Variants in KCNK1 observed in about 807,000 individuals in gnomAD.
KCNK1 encodes the protein potassium two pore domain channel subfamily K member 1, also known as potassium channel subfamily K member 1.
KCNK1 carries 10 observed loss-of-function variants against 22.2 expected under a neutral mutation model. The ratio of observed to expected loss-of-function variants is 0.45; its 90% confidence interval spans 0.28 to 0.76. The LOEUF (loss-of-function observed/expected upper bound fraction) is 0.76, where lower values mean the gene tolerates loss of function less well. Among genes scored for constraint, KCNK1 ranks in the 30% least tolerant of loss-of-function variants. The pLI is 0.14. For missense variants in KCNK1, 378 were observed against 421.0 expected, an observed-to-expected ratio of 0.90 and a Z score of 0.89; for synonymous variants, 200 against 186.4, an observed-to-expected ratio of 1.07 and a Z score of -0.60.
At chr1:233,667,729 C>CAAAAAAAAAAAAAAAA in intron 2 of KCNK1, among the ~76,000 whole-genome samples, 1 of 86,094 alleles carries the variant, frequency 1.2e-5, no homozygotes, top group Non-Finnish European at 2.1e-5. Flanking sequence ...GACTCCGTCT[C>CAAAAAAAAAAAAAAAA]AAAAAAAAAA....
rs1376395185 is a variant in KCNK1 at position 233,614,213 on chromosome 1, G to A, written c.42G>A (p.Val14=). The A allele has an allele frequency of 1.2e-6, 2 of 1,610,290 alleles. No individual in the cohort carries two copies. Among genetic ancestry groups the A allele is most frequent in the African/African-American group, 2.7e-5 (2 of 74,890 alleles). The change falls in exon 1 of 3, where the codon GTG becomes GTA. Residue 14 remains valine (V), a synonymous_variant. Transcript: ENST00000366621. The part of the protein sequence containing the change: ...SLAGSSCVRL[V]ERHRSAWCFG... Reference sequence around the variant, plus strand: ...CCGGCAGCTCGTGCGTGCGCCTGGTGGAGCGGCACCGCTCGGCCTGGTGCT... The same window carrying A: ...CCGGCAGCTCGTGCGTGCGCCTGGTAGAGCGGCACCGCTCGGCCTGGTGCT...
At chr1:233,651,200 G>C (rs1203001948) in intron 1 of KCNK1, among the ~76,000 whole-genome samples, 4 of 152,142 alleles carry the variant, frequency 2.6e-5, no homozygotes, top group Admixed American at 6.5e-5. Flanking sequence ...GTGCCCAACT[G>C]TTCTTGAAGG....
Position 233,644,102 on chromosome 1 carries a change from A to C in KCNK1, c.356-22493A>C, listed in dbSNP as rs189129973. ...AGTTCTGGAGGCTGGGAAGTCCAAG[A>C]TCGAGGTACCAACTTCTGATGAAGG... On this transcript the variant is annotated intron_variant, in intron 1 of 2. Transcript: ENST00000366621. Among the ~76,000 whole-genome samples the C allele has an allele frequency of 2.6e-5, 4 of 152,346 alleles. No individual in the cohort carries two copies. The East Asian group carries it at 7.7e-4, about 29-fold the overall frequency.
chr1:233,661,853 C>T (rs1658397939), intron 1 of KCNK1: 1 of 152,160 alleles, frequency 6.6e-6, no homozygotes, highest in Admixed American at 6.5e-5. Flanking sequence ...AACTTATTTC[C>T]AGCAAAGTGC....
At chr1:233,624,142 C>G (rs1471948333) in intron 1 of KCNK1, 2 of 154,274 alleles carry the variant, frequency 1.3e-5, no homozygotes, top group Non-Finnish European at 2.9e-5. Flanking sequence ...CCTATTCACT[C>G]TGCTTCACTG....
chr1:233,663,189 T>C (rs1197054028), intron 1 of KCNK1, among the ~76,000 whole-genome samples: 5 of 152,244 alleles, frequency 3.3e-5, no homozygotes, highest in Non-Finnish European at 7.3e-5. Context: ...ATGTAAATTT[T>C]ATATTTTACT....
At chr1:233,615,079 C>T (rs147411379) in intron 1 of KCNK1, among the ~76,000 whole-genome samples, 124 of 152,364 alleles carry the variant, frequency 8.1e-4, no homozygotes, top group African/African-American at 2.7e-3. Flanking sequence ...GATATTCCAG[C>T]TCTTTTGTAC....
chr1:233,619,966 G>A (rs1657553431), intron 1 of KCNK1, among the ~76,000 whole-genome samples: 2 of 151,996 alleles, frequency 1.3e-5, no homozygotes, highest in South Asian at 4.2e-4. Flanking sequence ...AGAACGAAGT[G>A]GGCGAACTAG....
intron 1 of KCNK1, 75 bp from the exon 2 acceptor site, chr1:233,666,520 G>T: frequency 1.4e-6 from 2 of 1,400,324 alleles, no homozygotes; most frequent in Middle Eastern, 1.9e-4. Context: ...GCAGATGATA[G>T]GCATATATTG....
chr1:233,642,114 G>A (rs1485448211), intron 1 of KCNK1, among the ~76,000 whole-genome samples: 4 of 152,112 alleles, frequency 2.6e-5, no homozygotes, highest in Non-Finnish European at 5.9e-5. Context: ...GCTCCCCTGC[G>A]TCTTCTTCAT....
chr1:233,634,531 G>A (rs1334583537), intron 1 of KCNK1, among the ~76,000 whole-genome samples: 1 of 152,164 alleles, frequency 6.6e-6, no homozygotes, highest in Non-Finnish European at 1.5e-5. Context: ...GGAAGTGGCA[G>A]TACAGGTACT....
At chr1:233,649,809 G>T (rs1658167030) in intron 1 of KCNK1, 1 of 379,930 alleles carries the variant, frequency 2.6e-6, no homozygotes, top group Non-Finnish European at 5.4e-6. Context: ...GAATCTGGAA[G>T]TTGGGGGAAC....
At chr1:233,667,654 C>T (rs1019295571) in intron 2 of KCNK1, among the ~76,000 whole-genome samples, 3 of 137,936 alleles carry the variant, frequency 2.2e-5, no homozygotes, top group Middle Eastern at 4.1e-3. Context: ...GGCGTGAACC[C>T]GGGAGGCGGA....
chr1:233,666,511 C>A, intron 1 of KCNK1, 84 bp from the exon 2 acceptor site: 1 of 1,313,430 alleles, frequency 7.6e-7, no homozygotes, highest in Non-Finnish European at 1.1e-6. Context: ...GGAATAAGGG[C>A]AGATGATAGG....
chr1:233,626,108 C>G (rs1657684190), intron 1 of KCNK1, among the ~76,000 whole-genome samples: 1 of 148,636 alleles, frequency 6.7e-6, no homozygotes, highest in Non-Finnish European at 1.5e-5. Context: ...TTCTGATGAC[C>G]CAGGGGGTCA....
At chr1:233,629,792 T>C (rs896115544) in intron 1 of KCNK1, 5 of 152,228 alleles carry the variant, frequency 3.3e-5, no homozygotes, top group African/African-American at 1.2e-4. Flanking sequence ...GAGCTTGTCA[T>C]GGACAGCTCC....
intron 2 of KCNK1, among the ~76,000 whole-genome samples, chr1:233,667,598 C>T (rs1211892702): frequency 4.0e-5 from 6 of 151,354 alleles, no homozygotes; most frequent in Non-Finnish European, 5.9e-5. Flanking sequence ...GGCGTGGTAG[C>T]GGGCGCCTGT....
chr1:233,619,649 T>C (rs923141439), intron 1 of KCNK1, among the ~76,000 whole-genome samples: 27 of 152,036 alleles, frequency 1.8e-4, no homozygotes, highest in Admixed American at 1.6e-3. Context: ...CGGTGGCTTA[T>C]GCCTGTAATC....
intron 1 of KCNK1, among the ~76,000 whole-genome samples, chr1:233,638,970 A>C (rs928574778): frequency 6.6e-6 from 1 of 152,194 alleles, no homozygotes; most frequent in Non-Finnish European, 1.5e-5. Context: ...TGGGAAAATT[A>C]AAAAATAAGC....
Sources: gnomAD v4.1 joint callset for allele counts (sites outside exome capture counted in the v4.1 genomes callset) on GRCh38, gnomAD v4.1.1 for gene constraint, MANE v1.5 for transcripts, NCBI Gene and HGNC (gene_info 2026-07-23, HGNC 2026-07-21) for gene names.